The following CAB39 variants were observed in gnomAD, a reference collection of about 807,000 sequenced individuals.
CAB39 encodes the protein calcium-binding protein 39.
A neutral mutation model predicts 40.0 loss-of-function variants in CAB39; 8 were observed. The ratio of observed to expected loss-of-function variants is 0.20; its 90% CI spans 0.12 to 0.36. CAB39 has a LOEUF of 0.36. Among genes scored for constraint, CAB39 ranks in the 10% least tolerant of loss-of-function variants. The probability of loss-of-function intolerance (pLI) is 1.00; values close to 1 mark genes in which losing one functional copy is unlikely to be tolerated. For missense variants in CAB39, 270 were observed against 401.1 expected (o/e 0.67, Z 2.79); for synonymous variants, 156 against 141.6 (o/e 1.10, Z -0.72).
chr2:230,757,333 C>A (rs1481227262), intron 1 of CAB39, among the ~76,000 whole-genome samples: 1 of 152,020 alleles, frequency 6.6e-6, no homozygotes, highest in East Asian at 1.9e-4. Flanking sequence ...TGACCTCAAG[C>A]AATTCACCCC....
At chr2:230,817,179 A>C (rs1222422575) in intron 7 of CAB39, among the ~76,000 whole-genome samples, 1 of 152,228 alleles carries the variant, frequency 6.6e-6, no homozygotes, top group African/African-American at 2.4e-5. Context: ...AAAACACTGG[A>C]TTATCTTCAG....
At chr2:230,729,436 G>T (rs1292238518) in intron 1 of CAB39, among the ~76,000 whole-genome samples, 1 of 152,112 alleles carries the variant, frequency 6.6e-6, no homozygotes, top group African/African-American at 2.4e-5. Flanking sequence ...AAAACCAAGA[G>T]AATCAAATCA....
intron 1 of CAB39, among the ~76,000 whole-genome samples, chr2:230,753,601 G>A (rs1695128101): frequency 6.6e-6 from 1 of 152,006 alleles, no homozygotes; most frequent in Non-Finnish European, 1.5e-5. Context: ...ACAAAAATTA[G>A]CCAGGCATGG....
intron 1 of CAB39, among the ~76,000 whole-genome samples, chr2:230,740,748 C>T (rs1198814598): frequency 6.6e-6 from 1 of 152,226 alleles, no homozygotes; most frequent in African/African-American, 2.4e-5. Flanking sequence ...CAGTAATGCT[C>T]TCTCACCCAC....
chr2:230,752,971 C>T (rs1294358233), intron 1 of CAB39, among the ~76,000 whole-genome samples: 3 of 151,994 alleles, frequency 2.0e-5, no homozygotes, highest in Non-Finnish European at 4.4e-5. Context: ...GGCCATTGGT[C>T]GGGCTAGAAA....
chr2:230,772,815 A>G (rs1482244047), intron 2 of CAB39, among the ~76,000 whole-genome samples: 1 of 152,072 alleles, frequency 6.6e-6, no homozygotes, highest in Non-Finnish European at 1.5e-5. Context: ...CCAAACTCGA[A>G]CCAACCATAT....
intron 2 of CAB39, among the ~76,000 whole-genome samples, chr2:230,766,570 C>T (rs1695389426): frequency 6.6e-6 from 1 of 152,204 alleles, no homozygotes; most frequent in South Asian, 2.1e-4. Flanking sequence ...GGGTCTCACT[C>T]TATCACTTAG....
chr2:230,731,458 G>A (rs1483610534), intron 1 of CAB39, among the ~76,000 whole-genome samples: 1 of 152,078 alleles, frequency 6.6e-6, no homozygotes, highest in Non-Finnish European at 1.5e-5. Flanking sequence ...TGATTGTGGT[G>A]GTGATTGCTT....
At chr2:230,731,106 T>A (rs1432317124) in intron 1 of CAB39, among the ~76,000 whole-genome samples, 1 of 152,242 alleles carries the variant, frequency 6.6e-6, no homozygotes, top group African/African-American at 2.4e-5. Flanking sequence ...ATGGTCTTAA[T>A]CCTTAAAGCA....
At chr2:230,719,754 A>G (rs1193856665) in intron 1 of CAB39, among the ~76,000 whole-genome samples, 1 of 152,116 alleles carries the variant, frequency 6.6e-6, no homozygotes, top group Non-Finnish European at 1.5e-5. Flanking sequence ...TATTATACCA[A>G]GGGCCCCAGA....
chr2:230,725,452 G>A (rs1472740799), intron 1 of CAB39: 39 of 1,439,506 alleles, frequency 2.7e-5, no homozygotes, highest in Non-Finnish European at 3.5e-5. Flanking sequence ...GGTTCCTCCC[G>A]CCACCCGGCC....
At chr2:230,734,114 G>A (rs767603009) in intron 1 of CAB39, among the ~76,000 whole-genome samples, 3 of 152,170 alleles carry the variant, frequency 2.0e-5, no homozygotes, top group Non-Finnish European at 2.9e-5. Context: ...CTTAGAGGTG[G>A]CCCCTTGTAT....
intron 2 of CAB39, among the ~76,000 whole-genome samples, chr2:230,776,710 A>C (rs1695593543): frequency 6.8e-6 from 1 of 146,898 alleles, no homozygotes; most frequent in African/African-American, 2.5e-5. Context: ...TCCCCCCCCG[A>C]GATGGAGTCT....
chr2:230,814,245 AT>A, intron 7 of CAB39, 131 bp downstream of exon 7: 1 of 555,052 alleles, frequency 1.8e-6, no homozygotes, highest in Non-Finnish European at 3.2e-6. Flanking sequence ...GAGGGTCAAG[AT>A]TTTTGCGGAA....
At chr2:230,725,233 G>A (rs1174086714) in intron 1 of CAB39, 2 of 1,592,002 alleles carry the variant, frequency 1.3e-6, no homozygotes, top group South Asian at 2.2e-5. Flanking sequence ...CCCGGTAGAG[G>A]TCTTCATCTT....
At chr2:230,732,282 C>G (rs966264085) in intron 1 of CAB39, among the ~76,000 whole-genome samples, 1 of 152,050 alleles carries the variant, frequency 6.6e-6, no homozygotes, top group African/African-American at 2.4e-5. Context: ...CGGTGTTTCA[C>G]TGTGTTAGCC....
chr2:230,814,243 A>C, intron 7 of CAB39, 129 bp downstream of exon 7: 1 of 559,226 alleles, frequency 1.8e-6, no homozygotes, highest in Non-Finnish European at 3.2e-6. Flanking sequence ...CCGAGGGTCA[A>C]GATTTTTGCG....
At chr2:230,768,198 G>A (rs1292974593) in intron 2 of CAB39, among the ~76,000 whole-genome samples, 3 of 152,138 alleles carry the variant, frequency 2.0e-5, no homozygotes, top group Admixed American at 1.3e-4. Flanking sequence ...ATATTGCTAA[G>A]ACTTATAAGA....
chr2:230,715,912 C>G (rs1363142805), intron 1 of CAB39, among the ~76,000 whole-genome samples: 1 of 152,178 alleles, frequency 6.6e-6, no homozygotes. Flanking sequence ...GTTTCCCAGG[C>G]TGGTCTTGAA....
Sources: gnomAD v4.1 joint callset for allele counts (sites outside exome capture counted in the v4.1 genomes callset) on GRCh38, gnomAD v4.1.1 for gene constraint, MANE v1.5 for transcripts, NCBI Gene and HGNC (gene_info 2026-07-23, HGNC 2026-07-21) for gene names.